Variants in APOC1 observed in about 807,000 individuals in gnomAD.
APOC1 encodes the protein apolipoprotein C-I.
APOC1 carries 4 observed loss-of-function variants against 6.7 expected under a neutral mutation model. The observed-to-expected ratio is 0.60, with a 90% CI of 0.29 to 1.37. APOC1 has a LOEUF of 1.37. Among genes scored for constraint, APOC1 ranks in the 40% most tolerant of loss-of-function variants. APOC1 has a pLI of 0.09. For synonymous variants in APOC1, 33 were observed against 40.6 expected (o/e 0.81, Z 0.72); for missense variants, 122 against 99.4 (o/e 1.23, Z -0.97).
chr19:44,914,611 CGG>C lies in APOC1; in HGVS notation c.-142_-141del, dbSNP rs1355341098. 3 of 452,496 alleles carry C rather than the reference CGG, an allele frequency of 6.6e-6. No homozygotes were observed. In the South Asian group the frequency reaches 8.4e-5, roughly 13 times the overall value. 28.0% of individuals were successfully genotyped at this position (452,496 alleles called of 1,614,324 possible). ...ACGTGGGTGGACAGAGGGAGGCAGG[CGG>C]TCAGGGGAAGGCTCAGGAGGAGGGA... is the stretch of plus-strand genomic sequence containing the variant. On this transcript the variant is annotated 5_prime_UTR_variant, in exon 1 of 4. Transcript: ENST00000592535.
intron 3 of APOC1, 105 bp from the exon 4 acceptor site, chr19:44,919,068 G>A (rs1333800858): frequency 9.9e-7 from 1 of 1,010,542 alleles, no homozygotes; most frequent in Non-Finnish European, 1.5e-6. Context: ...CAGTGGGGAT[G>A]GAGATTCTGC....
chr19:44,916,496 C>T (rs1246669859), intron 3 of APOC1, 171 bp downstream of exon 3: 1 of 851,804 alleles, frequency 1.2e-6, no homozygotes, highest in East Asian at 2.9e-5. Context: ...GGACAGTTTC[C>T]CTGACTCCCA....
At chr19:44,915,209 T>G (rs186062339) in intron 2 of APOC1, 26 of 546,994 alleles carry the variant, frequency 4.8e-5, no homozygotes, top group African/African-American at 2.1e-4. Flanking sequence ...TCGACAGCCT[T>G]GAAAGTGGGT....
chr19:44,914,968 A>G lies in APOC1; in HGVS notation c.58+19A>G, dbSNP rs1319464216. ...TTGGAAGGTAAAAGTGGGATGGGAG[A>G]ATTGCGGAGTTGGAGATTTGGAAGA... On this transcript the variant is annotated intron_variant, in intron 2 of 3. Coordinates refer to ENST00000592535, the MANE Select transcript of APOC1 (RefSeq NM_001645.5). 2 of 1,599,630 alleles carry G rather than the reference A, an allele frequency of 1.3e-6. No individual in the cohort carries two copies. The highest frequency in any genetic ancestry group is 1.7e-6 in the Non-Finnish European group (2 of 1,167,802).
At chr19:44,915,674 A>G (rs1969991596) in intron 2 of APOC1, among the ~76,000 whole-genome samples, 1 of 149,872 alleles carries the variant, frequency 6.7e-6, no homozygotes, top group Non-Finnish European at 1.5e-5. Flanking sequence ...GGGTTCCAAT[A>G]ACAAATTTTT....
chr19:44,915,578 G>T (rs1257249335), intron 2 of APOC1, among the ~76,000 whole-genome samples: 2 of 151,260 alleles, frequency 1.3e-5, no homozygotes, highest in African/African-American at 4.8e-5. Flanking sequence ...GATTACAGGC[G>T]TGAGCCACCG....
chr19:44,916,013 T>TC (rs1969996718), intron 2 of APOC1, among the ~76,000 whole-genome samples, 177 bp from the exon 3 acceptor site: 1 of 151,210 alleles, frequency 6.6e-6, no homozygotes, highest in African/African-American at 2.4e-5. Flanking sequence ...GGTGCACACC[T>TC]GTAATCCCAG....
At chr19:44,916,371 G>C in intron 3 of APOC1, 46 bp downstream of exon 3, 1 of 1,608,106 alleles carries the variant, frequency 6.2e-7, no homozygotes, top group Non-Finnish European at 8.5e-7. Context: ...TGTGTTTTTG[G>C]GTGGAGCCCT....
chr19:44,914,681 G>A lies in APOC1; in HGVS notation c.-73G>A, dbSNP rs1238223778. On this transcript the variant is annotated 5_prime_UTR_variant, in exon 1 of 4. Coordinates refer to ENST00000592535, the MANE Select transcript of APOC1 (RefSeq NM_001645.5). ...CCCGCCCCCTCCCCAGCCTGATAAAGGTCCTGCGGGCAGGACAGGACCTCC... is the reference window on the plus strand; with the variant it reads ...CCCGCCCCCTCCCCAGCCTGATAAAAGTCCTGCGGGCAGGACAGGACCTCC... 1.4e-5 allele frequency: 8 copies of A among 574,420 alleles called. No individual in the cohort carries two copies. Among genetic ancestry groups the A allele is most frequent in the African/African-American group, 3.8e-5 (2 of 53,180 alleles). 35.6% of individuals were successfully genotyped at this position (574,420 alleles called of 1,614,324 possible). A position where few individuals can be genotyped will look rare whatever the true frequency, so the allele number is the denominator to read the frequency against.
Position 44,919,326 on chromosome 19 carries a change from C to A in APOC1, c.*96C>A. The A allele has an allele frequency of 1.8e-6, 2 of 1,095,966 alleles. No homozygotes were observed. The highest frequency in any genetic ancestry group is 1.6e-5 in the African/African-American group (1 of 64,238). 67.9% of individuals were successfully genotyped at this position (1,095,966 alleles called of 1,614,324 possible). A position where few individuals can be genotyped will look rare whatever the true frequency, so the allele number is the denominator to read the frequency against. On this transcript the variant is annotated 3_prime_UTR_variant, in exon 4 of 4. Coordinates refer to ENST00000592535, the MANE Select transcript of APOC1 (RefSeq NM_001645.5). Reference sequence around the variant, plus strand: ...CCCTCCATGTGGCCCCAGGTGCCACCAATAAAAATCCTACAGAAAATTCTC... The same window carrying A: ...CCCTCCATGTGGCCCCAGGTGCCACAAATAAAAATCCTACAGAAAATTCTC...
rs761325013 is a variant in APOC1, at chr19:44,914,889, G to T, written c.-3G>T. The T allele has an allele frequency of 2.5e-6, 4 of 1,613,570 alleles. No individual in the cohort carries two copies. The highest frequency in any genetic ancestry group is 2.5e-6 in the Non-Finnish European group (3 of 1,179,830). On this transcript the variant is annotated 5_prime_UTR_variant, in exon 2 of 4. Coordinates refer to ENST00000592535, the MANE Select transcript of APOC1 (RefSeq NM_001645.5). ...GCCTCCAGAGTGCCCCTCCGGCCTC[G>T]CCATGAGGCTCTTCCTGTCGCTCCC...
Position 44,914,872 on chromosome 19 carries a change from A to C in APOC1, c.-20A>C. 1 of 1,613,578 alleles carries C rather than the reference A, an allele frequency of 6.2e-7. No homozygotes were observed. The highest frequency in any genetic ancestry group is 8.5e-7 in the Non-Finnish European group (1 of 1,179,818). On this transcript the variant is annotated splice_region_variant and 5_prime_UTR_variant, in exon 2 of 4. Coordinates refer to ENST00000592535, the MANE Select transcript of APOC1 (RefSeq NM_001645.5). ...CCTGAACCCCTGCCTCTGCCTCCAGAGTGCCCCTCCGGCCTCGCCATGAGG... is the reference window on the plus strand; with the variant it reads ...CCTGAACCCCTGCCTCTGCCTCCAGCGTGCCCCTCCGGCCTCGCCATGAGG...
chr19:44,915,818 A>C (rs1205316260), intron 2 of APOC1, among the ~76,000 whole-genome samples: 1 of 151,958 alleles, frequency 6.6e-6, no homozygotes, highest in Non-Finnish European at 1.5e-5. Flanking sequence ...AATACAAAAA[A>C]ATTAGCCAGG....
chr19:44,916,229 C>G lies in APOC1; in HGVS notation c.98C>G (p.Ala33Gly), dbSNP rs764125385. ...PAQGTPDVSS[A>G]LDKLKEFGNT... is the part of the protein sequence containing the mutation. ...CAGGGGACCCCAGACGTCTCCAGTG[C>G]CTTGGATAAGCTGAAGGAGTTTGGA... Residue 33 changes from alanine (A) to glycine (G), a missense_variant, in exon 3 of 4, where the codon GCC becomes GGC. By Grantham distance (60) the Ala-to-Gly change is moderately conservative. Coordinates refer to ENST00000592535, the MANE Select transcript of APOC1 (RefSeq NM_001645.5). 6.2e-7 allele frequency: 1 copy of G among 1,613,336 alleles called. No homozygotes were observed. Among genetic ancestry groups the G allele is most frequent in the Non-Finnish European group, 8.5e-7 (1 of 1,179,820 alleles).
At chr19:44,916,654 C>T (rs554613064) in intron 3 of APOC1, among the ~76,000 whole-genome samples, 12 of 149,504 alleles carry the variant, frequency 8.0e-5, no homozygotes, top group African/African-American at 2.7e-4. Context: ...CTTGTCTCTA[C>T]TAAAAATACA....
chr19:44,914,792 G>C (rs1969973590), intron 1 of APOC1, 59 bp downstream of exon 1: 1 of 1,235,108 alleles, frequency 8.1e-7, no homozygotes, highest in South Asian at 1.3e-5. Flanking sequence ...ACTCAAAAAG[G>C]GAGATGAGGG....
At chr19:44,916,809 CAAAAAAAAA>C (rs1160183813) in intron 3 of APOC1, among the ~76,000 whole-genome samples, 3 of 46,404 alleles carry the variant, frequency 6.5e-5, no homozygotes, top group African/African-American at 3.2e-4. Context: ...GACTCTGTCT[CAAAAAAAAA>C]AAAAAAAAAA....
Position 44,915,071 on chromosome 19 carries a change from C to T in APOC1, c.58+122C>T, listed in dbSNP as rs1227262680. Reference sequence around the variant, plus strand: ...CGGGGCCCCTTCTGGGTCGTGGTTGCCTCATCGTGGTCGGGTGGGTCTCCA... The same window carrying T: ...CGGGGCCCCTTCTGGGTCGTGGTTGTCTCATCGTGGTCGGGTGGGTCTCCA... On this transcript the variant is annotated intron_variant, in intron 2 of 3. Transcript: ENST00000592535. 6.4e-6 allele frequency: 7 copies of T among 1,097,922 alleles called. No individual in the cohort carries two copies. The East Asian group carries it at 1.8e-4, about 28-fold the overall frequency. 68.0% of individuals were successfully genotyped at this position (1,097,922 alleles called of 1,614,324 possible).
At chr19:44,916,150 A>AAAAAAAAAC (rs763133525) in intron 2 of APOC1, 40 bp from the exon 3 acceptor site, 6 of 1,519,288 alleles carry the variant, frequency 3.9e-6, no homozygotes, top group African/African-American at 1.5e-5. Flanking sequence ...AAAAAAAAAA[A>AAAAAAAAAC]AAAAAACAAA....
Sources: allele counts gnomAD v4.1 joint callset (sites outside exome capture counted in the v4.1 genomes callset), GRCh38; gene constraint gnomAD v4.1.1; transcripts MANE v1.5; gene names NCBI Gene and HGNC (gene_info 2026-07-23, HGNC 2026-07-21).